Variants in DNAJC15 observed in about 807,000 individuals in gnomAD.
DNAJC15 encodes dnaJ homolog subfamily C member 15.
In DNAJC15, 27 loss-of-function variants were observed where a neutral mutation model predicts 22.4. The observed-to-expected ratio is 1.20, with a 90% CI of 0.89 to 1.66. The LOEUF is 1.66. Ranked by LOEUF, DNAJC15 falls within the 40% of genes most tolerant of loss-of-function variation. The pLI is 0.00. For missense variants in DNAJC15, 208 were observed against 187.1 expected (o/e 1.11, Z -0.65); for synonymous variants, 79 against 63.2 (o/e 1.25, Z -1.19).
intron 5 of DNAJC15, among the ~76,000 whole-genome samples, chr13:43,094,049 A>T (rs185557363): frequency 1.2e-3 from 182 of 152,354 alleles, no homozygotes; most frequent in Admixed American, 9.1e-3. Context: ...AAATAATTGC[A>T]GATATTCTTC....
intron 1 of DNAJC15, among the ~76,000 whole-genome samples, chr13:43,029,839 C>G (rs1301523717): frequency 2.0e-5 from 3 of 152,112 alleles, no homozygotes; most frequent in East Asian, 3.8e-4. Context: ...AATACTCGTT[C>G]TCTCAGTTCC....
chr13:43,025,833 G>T (rs542171695), intron 1 of DNAJC15, among the ~76,000 whole-genome samples: 1 of 152,266 alleles, frequency 6.6e-6, no homozygotes, highest in East Asian at 1.9e-4. Flanking sequence ...GAACCCAGGG[G>T]GCAGAGGTTG....
At chr13:43,040,504 A>G (rs1490093628) in intron 1 of DNAJC15, among the ~76,000 whole-genome samples, 1 of 152,172 alleles carries the variant, frequency 6.6e-6, no homozygotes, top group East Asian at 1.9e-4. Flanking sequence ...CTGTGTTTAA[A>G]ATATTCTGCA....
At chr13:43,102,238 TTGTCTTTTCA>T (rs1199275546) in intron 5 of DNAJC15, among the ~76,000 whole-genome samples, 1 of 152,176 alleles carries the variant, frequency 6.6e-6, no homozygotes, top group Non-Finnish European at 1.5e-5. Context: ...CTTTTGAGAA[TTGTCTTTTCA>T]TGTCCTTAGC....
chr13:43,096,956 G>C (rs180802851), intron 5 of DNAJC15, among the ~76,000 whole-genome samples: 19 of 152,226 alleles, frequency 1.2e-4, no homozygotes, highest in African/African-American at 4.6e-4. Context: ...GCCCTAGTGA[G>C]GCCATCCTGG....
At chr13:43,027,033 A>G (rs1481285051) in intron 1 of DNAJC15, among the ~76,000 whole-genome samples, 1 of 152,256 alleles carries the variant, frequency 6.6e-6, no homozygotes, top group Non-Finnish European at 1.5e-5. Flanking sequence ...CATCTTGAAT[A>G]AAGTTAGCAT....
chr13:43,026,715 T>A (rs1286380688), intron 1 of DNAJC15, among the ~76,000 whole-genome samples: 1 of 152,166 alleles, frequency 6.6e-6, no homozygotes, highest in Non-Finnish European at 1.5e-5. Context: ...ATTTTAAAAA[T>A]GTAATTCATT....
At chr13:43,103,015 C>A (rs1467746330) in intron 5 of DNAJC15, among the ~76,000 whole-genome samples, 1 of 151,854 alleles carries the variant, frequency 6.6e-6, no homozygotes, top group Non-Finnish European at 1.5e-5. Flanking sequence ...GAAATGTTTT[C>A]TTTTTCTTGG....
rs1566207824 is a variant in DNAJC15, at chr13:43,063,765, T to C, written c.109-1921T>C. ...ATCTGGGAGATTCAAGCTGAGGTAT[T>C]AAGAGCAGGTAGGATTTGGGTAGGC... On this transcript the variant is annotated intron_variant, in intron 1 of 5. Coordinates refer to ENST00000379221, the MANE Select transcript of DNAJC15 (RefSeq NM_013238.3). Among the ~76,000 whole-genome samples, 3 of 152,292 alleles carry C rather than the reference T, an allele frequency of 2.0e-5. No homozygotes were observed. The South Asian group carries it at 6.2e-4, about 32-fold the overall frequency.
intron 1 of DNAJC15, among the ~76,000 whole-genome samples, chr13:43,049,900 AGTTTT>A (rs1290134947): frequency 1.2e-4 from 19 of 152,130 alleles, no homozygotes; most frequent in African/African-American, 4.6e-4. Context: ...GGCCAGTTAA[AGTTTT>A]GTTTGTTTGT....
At chr13:43,098,004 G>A (rs945036449) in intron 5 of DNAJC15, among the ~76,000 whole-genome samples, 3 of 152,256 alleles carry the variant, frequency 2.0e-5, no homozygotes, top group Admixed American at 1.3e-4. Context: ...TGAATCAGGG[G>A]TAAGAAAAAA....
At chr13:43,090,088 A>G (rs1011338019) in intron 5 of DNAJC15, among the ~76,000 whole-genome samples, 1 of 152,236 alleles carries the variant, frequency 6.6e-6, no homozygotes, top group African/African-American at 2.4e-5. Flanking sequence ...AATTTAGCAG[A>G]GTTTATTTGA....
chr13:43,049,282 TCTGTTA>T (rs2153440185), intron 1 of DNAJC15, among the ~76,000 whole-genome samples: 1 of 152,344 alleles, frequency 6.6e-6, no homozygotes, highest in South Asian at 2.1e-4. Context: ...TTTTTCTCAT[TCTGTTA>T]CTGGCAGTTT....
At chr13:43,037,867 A>C (rs1180038335) in intron 1 of DNAJC15, among the ~76,000 whole-genome samples, 1 of 152,224 alleles carries the variant, frequency 6.6e-6, no homozygotes, top group Non-Finnish European at 1.5e-5. Flanking sequence ...GCCAAAACTC[A>C]AACCATATTT....
chr13:43,035,516 A>C (rs1215607063), intron 1 of DNAJC15, among the ~76,000 whole-genome samples: 1 of 152,204 alleles, frequency 6.6e-6, no homozygotes, highest in Non-Finnish European at 1.5e-5. Flanking sequence ...ACTGAAGAGA[A>C]CTAAACCAAG....
chr13:43,078,535 C>T, intron 3 of DNAJC15, 77 bp from the exon 4 acceptor site: 2 of 1,139,258 alleles, frequency 1.8e-6, no homozygotes, highest in Non-Finnish European at 2.5e-6. Flanking sequence ...ACTCTCACTG[C>T]AGCTACATGA....
At chr13:43,101,479 T>C (rs778694876) in intron 5 of DNAJC15, among the ~76,000 whole-genome samples, 1 of 152,222 alleles carries the variant, frequency 6.6e-6, no homozygotes, top group Non-Finnish European at 1.5e-5. Flanking sequence ...GAAAAGCTTT[T>C]TTGTGGTGAT....
At chr13:43,083,064 A>AAT (rs2040670608) in intron 4 of DNAJC15, among the ~76,000 whole-genome samples, 1 of 152,122 alleles carries the variant, frequency 6.6e-6, no homozygotes, top group Non-Finnish European at 1.5e-5. Flanking sequence ...AGTATTTACT[A>AAT]ATATGGAGTA....
In DNAJC15 at chr13:43,023,635, C is replaced by T. The variant is rs1356323038; in HGVS notation, c.9C>T (p.Ala3=). 8 of 1,610,830 alleles carry T rather than the reference C, an allele frequency of 5.0e-6. No homozygotes were observed. The highest frequency in any genetic ancestry group is 1.3e-5 in the African/African-American group (1 of 74,844). MA[A]RGVIAPVGES... is the part of the protein sequence containing the mutation. Reference sequence around the variant, plus strand: ...CTCCGGGCCGCCTTGCCATGGCTGCCCGTGGTGTCATCGCTCCAGTTGGCG... The same window carrying T: ...CTCCGGGCCGCCTTGCCATGGCTGCTCGTGGTGTCATCGCTCCAGTTGGCG... Residue 3 remains alanine, a synonymous_variant, in exon 1 of 6, where the codon GCC becomes GCT. Transcript: ENST00000379221.
Sources: allele counts gnomAD v4.1 joint callset (sites outside exome capture counted in the v4.1 genomes callset), GRCh38; gene constraint gnomAD v4.1.1; transcripts MANE v1.5; gene names NCBI Gene and HGNC (gene_info 2026-07-23, HGNC 2026-07-21).